The following ROCK1 variants were observed in gnomAD, a reference collection of about 807,000 sequenced individuals.
ROCK1 encodes Rho associated coiled-coil containing protein kinase 1.
In ROCK1, 36 loss-of-function variants were observed where a neutral mutation model predicts 196.8. That is an observed-to-expected ratio of 0.18 (90% CI 0.14 to 0.24). The LOEUF is 0.24. Ranked by LOEUF, ROCK1 falls within the 10% of genes least tolerant of loss-of-function variation. The probability of loss-of-function intolerance (pLI) is 1.00; values close to 1 mark genes in which losing one functional copy is unlikely to be tolerated. For missense variants in ROCK1, 920 were observed against 1,562.0 expected (o/e 0.59, Z 6.93); for synonymous variants, 443 against 515.9 (o/e 0.86, Z 1.91).
chr18:20,975,026 G>A (rs1448555533), intron 22 of ROCK1, among the ~76,000 whole-genome samples: 1 of 152,186 alleles, frequency 6.6e-6, no homozygotes, highest in East Asian at 1.9e-4. Context: ...TACAATTGTA[G>A]GTGCTAGACA....
chr18:20,968,699 T>G (rs1174350929), intron 25 of ROCK1, 73 bp downstream of exon 25: 7 of 881,294 alleles, frequency 7.9e-6, no homozygotes, highest in Non-Finnish European at 1.3e-5. Flanking sequence ...AGCCTTGGTT[T>G]TAGGAAAAAG....
chr18:21,082,419 C>T (rs56096462), intron 1 of ROCK1, among the ~76,000 whole-genome samples: 1,657 of 152,112 alleles, frequency 0.011, 34 homozygotes, highest in African/African-American at 0.038. Flanking sequence ...TGAATATAGA[C>T]ATAAAAATGC....
intron 1 of ROCK1, among the ~76,000 whole-genome samples, chr18:21,089,818 C>T (rs750261778): frequency 6.6e-6 from 1 of 152,066 alleles, no homozygotes; most frequent in African/African-American, 2.4e-5. Context: ...ACTCAAAGTA[C>T]GGTTTCTACT....
intron 1 of ROCK1, among the ~76,000 whole-genome samples, chr18:21,099,812 G>A (rs766077418): frequency 3.0e-4 from 45 of 151,938 alleles, no homozygotes; most frequent in Non-Finnish European, 5.7e-4. Context: ...AGGCAGGCAA[G>A]ATCACTTGAG....
At position 21,042,615 on chromosome 18, in the gene ROCK1, C is replaced by T. The variant is rs1356668879; in HGVS notation, c.770G>A (p.Arg257Lys). 1 of 1,614,012 alleles carries T rather than the reference C, an allele frequency of 6.2e-7. No individual in the cohort carries two copies. Among genetic ancestry groups the T allele is most frequent in the Non-Finnish European group, 8.5e-7 (1 of 1,179,912 alleles). The change falls in exon 7 of 33, where the codon AGA (arginine) becomes AAA (lysine). Residue 257 changes from arginine (R) to lysine (K), a missense_variant. Transcript: ENST00000399799. The part of the protein sequence containing the change: ...KSQGGDGYYG[R>K]ECDWWSVGVF... ...CCCAACCGACCACCAGTCACATTCTCTTCCATAATAACCATCACCACCTTG... is the reference window on the plus strand; with the variant it reads ...CCCAACCGACCACCAGTCACATTCTTTTCCATAATAACCATCACCACCTTG...
At chr18:21,097,582 A>C (rs1353924807) in intron 1 of ROCK1, among the ~76,000 whole-genome samples, 2 of 152,216 alleles carry the variant, frequency 1.3e-5, no homozygotes, top group African/African-American at 2.4e-5. Flanking sequence ...AACTTGTCCA[A>C]GATTACACAA....
At chr18:21,075,456 T>C (rs2036421421) in intron 1 of ROCK1, among the ~76,000 whole-genome samples, 1 of 152,180 alleles carries the variant, frequency 6.6e-6, no homozygotes, top group Non-Finnish European at 1.5e-5. Context: ...CTGAGGTCCT[T>C]TGGGATATCA....
At chr18:21,078,866 A>G (rs569143568) in intron 1 of ROCK1, among the ~76,000 whole-genome samples, 1 of 152,074 alleles carries the variant, frequency 6.6e-6, no homozygotes. Context: ...TGAAGTGGCT[A>G]TTCTCAGGAG....
At chr18:21,108,551 T>C (rs551997360) in intron 1 of ROCK1, among the ~76,000 whole-genome samples, 1 of 152,354 alleles carries the variant, frequency 6.6e-6, no homozygotes. Flanking sequence ...ACAAGCAATT[T>C]CCAAACCTGA....
Position 20,967,013 on chromosome 18 carries a change from C to T in ROCK1, c.3256G>A (p.Asp1086Asn), listed in dbSNP as rs1289562513. The T allele has an allele frequency of 1.2e-6, 2 of 1,613,036 alleles. No homozygotes were observed. The highest frequency in any genetic ancestry group is 1.7e-6 in the Non-Finnish European group (2 of 1,179,150). ...LQMQLASKES[D>N]IEQLRAKLLD... ...AGTTTAGCACGCAATTGCTCAATATCACTCTCTTTGCTGGCCAACTGCATC... is the reference window on the plus strand; with the variant it reads ...AGTTTAGCACGCAATTGCTCAATATTACTCTCTTTGCTGGCCAACTGCATC... The change falls in exon 27 of 33, where the codon GAT (aspartate) becomes AAT (asparagine). Residue 1086 changes from aspartate (D) to asparagine (N), a missense_variant. Transcript: ENST00000399799.
intron 9 of ROCK1, among the ~76,000 whole-genome samples, chr18:21,037,734 T>A (rs1221108528): frequency 6.6e-6 from 1 of 152,104 alleles, no homozygotes; most frequent in Non-Finnish European, 1.5e-5. Context: ...TACAGCAATA[T>A]AATAAAATGC....
At position 21,018,024 on chromosome 18, in the gene ROCK1, A is replaced by T. The variant is rs534718760; in HGVS notation, c.1361+2127T>A. On this transcript the variant is annotated intron_variant, in intron 12 of 32. Coordinates refer to ENST00000399799, the MANE Select transcript of ROCK1 (RefSeq NM_005406.3). ...AAATAAAATAAAGAAATGCAAGTAA[A>T]TATCACTCCACAATCCCTAGCACTA... 7.2e-5 allele frequency among the ~76,000 whole-genome samples: 11 copies of T among 152,126 alleles called. No homozygotes were observed. In the East Asian group the frequency reaches 2.1e-3, roughly 29 times the overall value.
Position 20,967,866 on chromosome 18 carries a change from A to G in ROCK1, c.3078T>C (p.Asp1026=), listed in dbSNP as rs1430116180. 1.2e-6 allele frequency: 2 copies of G among 1,605,772 alleles called. No individual in the cohort carries two copies. The highest frequency in any genetic ancestry group is 1.3e-5 in the African/African-American group (1 of 74,654). ...GATTTTCCTTTTCTTTCTTTCTCAAATCTTGTGTATTAGCTTTCTTTCTAT... is the reference window on the plus strand; with the variant it reads ...GATTTTCCTTTTCTTTCTTTCTCAAGTCTTGTGTATTAGCTTTCTTTCTAT... ...KIDRKKANTQ[D]LRKKEKENRK... is the part of the protein sequence containing the mutation. Residue 1026 remains aspartate (D), a synonymous_variant, in exon 26 of 33, where the codon GAT becomes GAC. Transcript: ENST00000399799.
chr18:21,025,141 CCTT>C (rs1267459660), intron 10 of ROCK1, among the ~76,000 whole-genome samples: 1 of 152,140 alleles, frequency 6.6e-6, no homozygotes, highest in Non-Finnish European at 1.5e-5. Flanking sequence ...AATTCTTCCA[CCTT>C]CTGTCTTTTC....
intron 22 of ROCK1, 99 bp downstream of exon 22, chr18:20,979,811 A>T: frequency 7.4e-7 from 1 of 1,359,624 alleles, no homozygotes; most frequent in Non-Finnish European, 9.8e-7. Flanking sequence ...TGTGTTCTAT[A>T]CCATTCCCAC....
chr18:21,078,644 C>A (rs1311144154), intron 1 of ROCK1, among the ~76,000 whole-genome samples: 1 of 152,150 alleles, frequency 6.6e-6, no homozygotes, highest in South Asian at 2.1e-4. Context: ...GTAGTCTCCA[C>A]CACAGGCTGG....
At chr18:21,104,848 A>C (rs2036690203) in intron 1 of ROCK1, among the ~76,000 whole-genome samples, 1 of 152,194 alleles carries the variant, frequency 6.6e-6, no homozygotes. Flanking sequence ...TAAACAAATA[A>C]ACAGTCTCTA....
intron 9 of ROCK1, among the ~76,000 whole-genome samples, chr18:21,036,742 G>T (rs1283789862): frequency 6.6e-6 from 1 of 151,984 alleles, no homozygotes; most frequent in East Asian, 1.9e-4. Context: ...GTATAATACT[G>T]TAGAACACTG....
intron 2 of ROCK1, among the ~76,000 whole-genome samples, chr18:21,064,910 A>C (rs1233996529): frequency 1.3e-5 from 2 of 152,178 alleles, no homozygotes; most frequent in African/African-American, 4.8e-5. Flanking sequence ...ATCAACATAA[A>C]GTCTTAGGCA....
Sources: gnomAD v4.1 joint callset for allele counts (sites outside exome capture counted in the v4.1 genomes callset) on GRCh38, gnomAD v4.1.1 for gene constraint, MANE v1.5 for transcripts, NCBI Gene and HGNC (gene_info 2026-07-23, HGNC 2026-07-21) for gene names.